The following SIK2 variants were observed in gnomAD, a reference collection of about 807,000 sequenced individuals.
The protein encoded by SIK2 is salt inducible kinase 2.
In SIK2, 29 loss-of-function variants were observed where a neutral mutation model predicts 103.2. The observed-to-expected ratio is 0.28, with a 90% CI of 0.21 to 0.38. The LOEUF (loss-of-function observed/expected upper bound fraction) is 0.38. Among genes scored for constraint, SIK2 ranks in the 10% least tolerant of loss-of-function variants. The probability of loss-of-function intolerance (pLI) is 1.00; values close to 1 mark genes in which losing one functional copy is unlikely to be tolerated. For synonymous variants in SIK2, 412 were observed against 446.1 expected, an observed-to-expected ratio of 0.92 and a Z score of 0.96; for missense variants, 879 against 1,171.0, an observed-to-expected ratio of 0.75 and a Z score of 3.64.
intron 3 of SIK2, among the ~76,000 whole-genome samples, chr11:111,673,531 G>A (rs1249695938): frequency 6.6e-6 from 1 of 152,072 alleles, no homozygotes; most frequent in Admixed American, 6.6e-5. Flanking sequence ...GTTCTGTTCT[G>A]GCGTCTAGCA....
At position 111,722,908 on chromosome 11, in the gene SIK2, G is replaced by GA; in HGVS notation, c.2147+152_2147+153insA. 1 of 662,394 alleles carries GA rather than the reference G, an allele frequency of 1.5e-6. No individual in the cohort carries two copies. The highest frequency in any genetic ancestry group is 2.6e-4 in the Middle Eastern group (1 of 3,852). The allele number at this position is 662,394 out of a possible 1,614,324, so 41.0% of individuals were successfully genotyped here. A position where few individuals can be genotyped will look rare whatever the true frequency, so the allele number is the denominator to read the frequency against. On this transcript the variant is annotated intron_variant, in intron 14 of 14. Transcript: ENST00000304987. This position sits in a 1 kb window ranked among gnomAD's most constrained non-coding sequence, Gnocchi z 4.4. ...GGCCCTCTGAGCACGATTACTAAGA[G>GA]GATATCTCAGTATCCATGGAGGATG...
At chr11:111,706,773 A>G (rs2135936236) in intron 8 of SIK2, among the ~76,000 whole-genome samples, 1 of 152,196 alleles carries the variant, frequency 6.6e-6, no homozygotes, top group Admixed American at 6.5e-5. Flanking sequence ...CATCCTGGCC[A>G]ACATGGTGAA....
chr11:111,706,432 G>A (rs1943347407), intron 8 of SIK2, among the ~76,000 whole-genome samples: 1 of 152,068 alleles, frequency 6.6e-6, no homozygotes, highest in African/African-American at 2.4e-5. Flanking sequence ...GAGATGAATG[G>A]TTGGTTAGTA....
rs1290577377 is a variant in SIK2, at chr11:111,721,813, A to AC, written c.1945-12dup. 1 of 1,581,046 alleles carries AC rather than the reference A, an allele frequency of 6.3e-7. No individual in the cohort carries two copies. Among genetic ancestry groups the AC allele is most frequent in the Non-Finnish European group, 8.6e-7 (1 of 1,164,736 alleles). On this transcript the variant is annotated splice_polypyrimidine_tract_variant and intron_variant, in intron 12 of 14. Transcript: ENST00000304987. Reference sequence around the variant, plus strand: ...CCATGGGGAATTGAAAATTGTTTCCACCCCCTTGCTCCTCAGGAAGAAGTT... The same window carrying AC: ...CCATGGGGAATTGAAAATTGTTTCCACCCCCCTTGCTCCTCAGGAAGAAGTT...
At chr11:111,637,330 A>G (rs1021219930) in intron 3 of SIK2, among the ~76,000 whole-genome samples, 1 of 150,750 alleles carries the variant, frequency 6.6e-6, no homozygotes, top group African/African-American at 2.4e-5. Flanking sequence ...TTATTTTTTT[A>G]GTCTAAAATT....
rs538652980 is a variant in SIK2, at chr11:111,663,258, A to C, written c.317-24743A>C. 1.5e-3 allele frequency among the ~76,000 whole-genome samples: 223 copies of C among 152,116 alleles called. 2 individuals are homozygous for C. Among genetic ancestry groups the C allele is most frequent in the African/African-American group, 5.2e-3 (217 of 41,514 alleles). On this transcript the variant is annotated intron_variant, in intron 3 of 14. Transcript: ENST00000304987. Reference sequence around the variant, plus strand: ...AAAAAAAAAAAAAAATAGTAGGGTAAAGGTAGAGTCTCTGAGGTGGTGGTT... The same window carrying C: ...AAAAAAAAAAAAAAATAGTAGGGTACAGGTAGAGTCTCTGAGGTGGTGGTT...
chr11:111,621,895 AGAGT>A (rs943258096), intron 3 of SIK2, among the ~76,000 whole-genome samples: 1 of 152,042 alleles, frequency 6.6e-6, no homozygotes, highest in African/African-American at 2.4e-5. Flanking sequence ...CCTGGGCAAC[AGAGT>A]GAGATTTCAT....
chr11:111,719,384 G>A (rs1426455210), intron 9 of SIK2, among the ~76,000 whole-genome samples: 3 of 105,442 alleles, frequency 2.8e-5, no homozygotes, highest in African/African-American at 7.4e-5. Flanking sequence ...TTAGCAATGA[G>A]CCAAGTAGTT....
At chr11:111,625,695 G>A (rs1941952799) in intron 3 of SIK2, among the ~76,000 whole-genome samples, 1 of 152,186 alleles carries the variant, frequency 6.6e-6, no homozygotes, top group South Asian at 2.1e-4. Flanking sequence ...TTTTGGTGGA[G>A]TGACTGGGCC....
In SIK2 at chr11:111,717,807, C is replaced by G. The variant is rs371077290; in HGVS notation, c.1267-1968C>G. ...GTCCTTTGCAGGGACATGAATGGAG[C>G]TGGAAGCCATTATCCTCAGCTGAAC... On this transcript the variant is annotated intron_variant, in intron 9 of 14. Coordinates refer to ENST00000304987, the MANE Select transcript of SIK2 (RefSeq NM_015191.3). Among the ~76,000 whole-genome samples the G allele has an allele frequency of 2.0e-5, 3 of 152,226 alleles. No homozygotes were observed. In the South Asian group the frequency reaches 6.2e-4, roughly 32 times the overall value.
At chr11:111,607,708 T>G (rs1366957362) in intron 1 of SIK2, among the ~76,000 whole-genome samples, 1 of 152,212 alleles carries the variant, frequency 6.6e-6, no homozygotes, top group African/African-American at 2.4e-5. Context: ...CATAGAATTT[T>G]TCTGTAGTTT....
At chr11:111,627,157 G>A (rs575164454) in intron 3 of SIK2, among the ~76,000 whole-genome samples, 1 of 152,238 alleles carries the variant, frequency 6.6e-6, no homozygotes, top group South Asian at 2.1e-4. Flanking sequence ...CACAAGCACG[G>A]AATGGTCTGG....
rs115588601 is a variant in SIK2 at position 111,665,258 on chromosome 11, C to T, written c.317-22743C>T. ...GTCAGAAGTTCAAGACCAGCCTGGGCAACATGGCGAAACCCCATGTTTACA... is the reference window on the plus strand; with the variant it reads ...GTCAGAAGTTCAAGACCAGCCTGGGTAACATGGCGAAACCCCATGTTTACA... On this transcript the variant is annotated intron_variant, in intron 3 of 14. Coordinates refer to ENST00000304987, the MANE Select transcript of SIK2 (RefSeq NM_015191.3). Among the ~76,000 whole-genome samples the T allele has an allele frequency of 6.5e-3, 986 of 150,948 alleles. 10 individuals are homozygous for T. Among genetic ancestry groups the T allele is most frequent in the African/African-American group, 0.022 (920 of 41,010 alleles).
chr11:111,695,888 T>C (rs1300459776), intron 4 of SIK2, among the ~76,000 whole-genome samples: 3 of 152,234 alleles, frequency 2.0e-5, no homozygotes, highest in African/African-American at 7.2e-5. Flanking sequence ...GTTTGGGCAC[T>C]GATAATTTAT....
intron 3 of SIK2, among the ~76,000 whole-genome samples, chr11:111,639,501 G>T (rs1942153286): frequency 6.6e-6 from 1 of 152,190 alleles, no homozygotes; most frequent in Admixed American, 6.5e-5. Context: ...TTTTCTGGTT[G>T]TTTTAAAAGA....
chr11:111,640,722 A>ATTTTTT lies in SIK2; in HGVS notation c.316+20345_316+20350dup, dbSNP rs58052684. Among the ~76,000 whole-genome samples the ATTTTTT allele has an allele frequency of 3.2e-4, 21 of 65,944 alleles. 1 individual carries two copies. The highest frequency in any genetic ancestry group is 9.9e-4 in the East Asian group (2 of 2,016). 43.3% of individuals were successfully genotyped at this position (65,944 alleles called of 152,430 possible). On this transcript the variant is annotated intron_variant, in intron 3 of 14. Transcript: ENST00000304987. Reference sequence around the variant, plus strand: ...TTTAGAAAGTCAGAAGAAACAGGCAATTTTTTTTTTTTTTTTTTTTTTTTT... The same window carrying ATTTTTT: ...TTTAGAAAGTCAGAAGAAACAGGCAATTTTTTTTTTTTTTTTTTTTTTTTTTTTTTT...
chr11:111,628,009 T>A (rs1168607787), intron 3 of SIK2, among the ~76,000 whole-genome samples: 1 of 152,224 alleles, frequency 6.6e-6, no homozygotes, highest in African/African-American at 2.4e-5. Context: ...CCTAAAGTAT[T>A]ATTTTTATTA....
intron 3 of SIK2, among the ~76,000 whole-genome samples, chr11:111,643,915 C>T (rs1421863890): frequency 6.6e-6 from 1 of 151,502 alleles, no homozygotes; most frequent in Non-Finnish European, 1.5e-5. Flanking sequence ...CCCAGGAGGT[C>T]GAGGCTACAG....
chr11:111,680,145 G>A (rs980784352), intron 3 of SIK2, among the ~76,000 whole-genome samples: 10 of 151,872 alleles, frequency 6.6e-5, no homozygotes, highest in Non-Finnish European at 1.0e-4. Context: ...AGTGGGGGGC[G>A]TTTCATAGTA....
Sources: gnomAD v4.1 joint callset for allele counts (sites outside exome capture counted in the v4.1 genomes callset) on GRCh38, gnomAD v4.1.1 for gene constraint, Gnocchi (gnomAD v3.1) non-coding constraint, MANE v1.5 for transcripts, NCBI Gene and HGNC (gene_info 2026-07-23, HGNC 2026-07-21) for gene names.